Variants in GREB1 observed in about 807,000 individuals in gnomAD.
GREB1 encodes protein GREB1.
Under a neutral mutation model 200.7 loss-of-function variants are expected in GREB1, and 106 were observed. The ratio of observed to expected loss-of-function variants is 0.53; its 90% CI spans 0.45 to 0.62. GREB1 has a LOEUF of 0.62. Ranked by LOEUF, GREB1 falls within the 20% of genes least tolerant of loss-of-function variation. The pLI is 0.00. For missense variants in GREB1, 2,243 were observed against 2,556.8 expected, an observed-to-expected ratio of 0.88 and a Z score of 2.65; for synonymous variants, 1,132 against 1,092.4, an observed-to-expected ratio of 1.04 and a Z score of -0.72.
intron 4 of GREB1, among the ~76,000 whole-genome samples, chr2:11,570,696 T>G (rs1678179555): frequency 6.6e-6 from 1 of 152,150 alleles, no homozygotes; most frequent in African/African-American, 2.4e-5. Flanking sequence ...ATGTTAAATT[T>G]AGATGACTGT....
intron 10 of GREB1, among the ~76,000 whole-genome samples, chr2:11,589,681 A>G (rs1572839818): frequency 6.6e-6 from 1 of 152,200 alleles, no homozygotes; most frequent in Non-Finnish European, 1.5e-5. Flanking sequence ...GCAGTGGCGG[A>G]AATGGAGAAA....
intron 1 of GREB1, among the ~76,000 whole-genome samples, chr2:11,488,594 C>A (rs1173492910): frequency 6.6e-6 from 1 of 151,786 alleles, no homozygotes; most frequent in Non-Finnish European, 1.5e-5. Flanking sequence ...AGTTGGAGAC[C>A]AGCCTGGCCA....
chr2:11,587,838 AGCTTCTTGCT>A, intron 9 of GREB1: 1 of 1,033,948 alleles, frequency 9.7e-7, no homozygotes, highest in Non-Finnish European at 1.2e-6. Context: ...AGGGCAGTTA[AGCTTCTTGCT>A]TAGCATCATG....
At chr2:11,508,029 TAGATATATTGTTTTC>T (rs1673232232) in intron 1 of GREB1, among the ~76,000 whole-genome samples, 1 of 152,216 alleles carries the variant, frequency 6.6e-6, no homozygotes, top group Non-Finnish European at 1.5e-5. Flanking sequence ...AGCCATGTAC[TAGATATATTGTTTTC>T]AGAGACTTCT....
At chr2:11,587,758 T>C in intron 9 of GREB1, 1 of 1,022,072 alleles carries the variant, frequency 9.8e-7, no homozygotes, top group Non-Finnish European at 1.2e-6. Flanking sequence ...CTTTGGGAGC[T>C]CAGCAGCCCC....
chr2:11,549,813 T>A (rs1482594704), intron 1 of GREB1, among the ~76,000 whole-genome samples: 1 of 152,248 alleles, frequency 6.6e-6, no homozygotes, highest in Non-Finnish European at 1.5e-5. Flanking sequence ...GTTTGCTCTC[T>A]TTTGTCTCTT....
upstream of GREB1, among the ~76,000 whole-genome samples, chr2:11,533,700 A>G (rs1674160550): frequency 6.6e-6 from 1 of 152,214 alleles, no homozygotes; most frequent in Non-Finnish European, 1.5e-5. Context: ...CCGGTGATGA[A>G]CGTTTTGGGG....
At chr2:11,531,078 T>G (rs537492746), upstream of GREB1, among the ~76,000 whole-genome samples, 1 of 152,286 alleles carries the variant, frequency 6.6e-6, no homozygotes, top group South Asian at 2.1e-4. Flanking sequence ...TTGGAGGGTG[T>G]GGGCAGGTGC....
At chr2:11,521,405 C>T (rs939532977) in intron 1 of GREB1, among the ~76,000 whole-genome samples, 8 of 152,076 alleles carry the variant, frequency 5.3e-5, no homozygotes, top group African/African-American at 7.2e-5. Flanking sequence ...CCATTGTGCC[C>T]GGCCTAGTCT....
chr2:11,589,026 C>A, intron 10 of GREB1, 95 bp downstream of exon 10: 1 of 939,258 alleles, frequency 1.1e-6, no homozygotes, highest in Non-Finnish European at 1.7e-6. Context: ...ACTTGGGCTG[C>A]TGGAATTGAA....
chr2:11,576,687 C>T (rs908829736), intron 5 of GREB1, 152 bp downstream of exon 5: 20 of 594,376 alleles, frequency 3.4e-5, no homozygotes, highest in East Asian at 8.3e-5. Flanking sequence ...TGCTCCTTTG[C>T]GTTACGGGCG....
rs968530719 is a variant in GREB1 at position 11,597,684 on chromosome 2, G to C, written c.1955-97G>C. 1 of 1,030,508 alleles carries C rather than the reference G, an allele frequency of 9.7e-7. No individual in the cohort carries two copies. The highest frequency in any genetic ancestry group is 1.6e-5 in the African/African-American group (1 of 63,670). The allele number at this position is 1,030,508 out of a possible 1,614,324, so 63.8% of individuals were successfully genotyped here. A position where few individuals can be genotyped will look rare whatever the true frequency, so the allele number is the denominator to read the frequency against. On this transcript the variant is annotated intron_variant, in intron 13 of 32. Coordinates refer to ENST00000381486, the MANE Select transcript of GREB1 (RefSeq NM_014668.4). The surrounding 1 kb of genome is among the most constrained non-coding windows in gnomAD (Gnocchi z 4.1). ...CCCTCATCGCTTTGTGAATGGGGCCGTCTCCCCTGGACAGGTCTCACTGAT... is the reference window on the plus strand; with the variant it reads ...CCCTCATCGCTTTGTGAATGGGGCCCTCTCCCCTGGACAGGTCTCACTGAT...
rs1402853016 is a variant in GREB1, at chr2:11,612,387, A to G, written c.3007-108A>G. 5 of 1,451,730 alleles carry G rather than the reference A, an allele frequency of 3.4e-6. No homozygotes were observed. The African/African-American group carries it at 4.3e-5, about 12-fold the overall frequency. 89.9% of individuals were successfully genotyped at this position (1,451,730 alleles called of 1,614,324 possible). On this transcript the variant is annotated intron_variant, in intron 18 of 32. Transcript: ENST00000381486. ...AGAAATTTCCTTTTGGTCAGAAGATATAGTTCAAGGAGTTTAAATTGGTGT... is the reference window on the plus strand; with the variant it reads ...AGAAATTTCCTTTTGGTCAGAAGATGTAGTTCAAGGAGTTTAAATTGGTGT...
intron 1 of GREB1, among the ~76,000 whole-genome samples, chr2:11,489,703 C>T (rs764381480): frequency 2.3e-4 from 35 of 152,062 alleles, no homozygotes; most frequent in Non-Finnish European, 4.4e-4. Flanking sequence ...CATTGCATGG[C>T]CTTGCAGACT....
intron 1 of GREB1, among the ~76,000 whole-genome samples, chr2:11,521,258 T>A (rs1322671615): frequency 6.6e-6 from 1 of 152,080 alleles, no homozygotes; most frequent in Non-Finnish European, 1.5e-5. Flanking sequence ...CACAGGCATG[T>A]GCCACCATAC....
intron 20 of GREB1, among the ~76,000 whole-genome samples, chr2:11,616,176 G>T (rs1464631088): frequency 6.6e-6 from 1 of 152,246 alleles, no homozygotes; most frequent in African/African-American, 2.4e-5. Flanking sequence ...ACTGGCCCAC[G>T]TTAAACTTGC....
In GREB1 at chr2:11,538,607, GTGTTTCTTTCTTTCTTTCTT is replaced by G. The variant is rs1421531951; in HGVS notation, c.-162+4355_-162+4374del. ...TAAAGAGAGCTCTGGACAGGAGCTTGTGTTTCTTTCTTTCTTTCTTTCTTTCTTTCTTTCTTTCTTTCTTT... is the reference window on the plus strand; with the variant it reads ...TAAAGAGAGCTCTGGACAGGAGCTTGTCTTTCTTTCTTTCTTTCTTTCTTT... On this transcript the variant is annotated intron_variant, in intron 1 of 32. Transcript: ENST00000381486. Among the ~76,000 whole-genome samples, 4 of 144,782 alleles carry G rather than the reference GTGTTTCTTTCTTTCTTTCTT, an allele frequency of 2.8e-5. No individual in the cohort carries two copies. The East Asian group carries it at 8.2e-4, about 30-fold the overall frequency. 95.0% of individuals were successfully genotyped at this position (144,782 alleles called of 152,430 possible). A position where few individuals can be genotyped will look rare whatever the true frequency, so the allele number is the denominator to read the frequency against.
Position 11,638,180 on chromosome 2 carries a change from G to A in GREB1, c.5547+264G>A, listed in dbSNP as rs57451274. Among the ~76,000 whole-genome samples, 1,187 of 152,206 alleles carry A rather than the reference G, an allele frequency of 7.8e-3. 18 individuals are homozygous for A. Among genetic ancestry groups the A allele is most frequent in the African/African-American group, 0.027 (1,136 of 41,544 alleles). ...TTTGAGATGGAGTTTCACTTTTGTC[G>A]CCCAGGCTGGAGTGCAATGGCACGA... On this transcript the variant is annotated intron_variant, in intron 31 of 32. Transcript: ENST00000381486.
At chr2:11,496,353 T>C (rs966948349) in intron 1 of GREB1, among the ~76,000 whole-genome samples, 1 of 152,188 alleles carries the variant, frequency 6.6e-6, no homozygotes, top group African/African-American at 2.4e-5. Flanking sequence ...CGGTTTATAT[T>C]TGTCTCAGGT....
Sources: allele counts gnomAD v4.1 joint callset (sites outside exome capture counted in the v4.1 genomes callset), GRCh38; gene constraint gnomAD v4.1.1; non-coding constraint Gnocchi (gnomAD v3.1); transcripts MANE v1.5; gene names NCBI Gene and HGNC (gene_info 2026-07-23, HGNC 2026-07-21).